Variants in LRRC4C observed in about 807,000 individuals in gnomAD.
LRRC4C encodes the protein leucine rich repeat containing 4C, also known as leucine-rich repeat-containing protein 4C.
LRRC4C carries 5 observed loss-of-function variants against 33.6 expected under a neutral mutation model. That is an observed-to-expected ratio of 0.15 (90% CI 0.08 to 0.31). LRRC4C has a LOEUF of 0.31. LRRC4C is among the 10% of genes least tolerant of loss of function. LRRC4C has a pLI of 1.00. For synonymous variants in LRRC4C, 329 were observed against 302.0 expected, an observed-to-expected ratio of 1.09 and a Z score of -0.93; for missense variants, 560 against 796.7, an observed-to-expected ratio of 0.70 and a Z score of 3.58.
At chr11:41,110,462 A>G (rs148847818) in intron 1 of LRRC4C, among the ~76,000 whole-genome samples, 24 of 152,230 alleles carry the variant, frequency 1.6e-4, no homozygotes, top group Admixed American at 3.9e-4. Flanking sequence ...TAACTTATTC[A>G]ACATCACTGA....
intron 5 of LRRC4C, among the ~76,000 whole-genome samples, chr11:40,222,799 G>C (rs1358874269): frequency 6.6e-6 from 1 of 152,158 alleles, no homozygotes; most frequent in Non-Finnish European, 1.5e-5. Flanking sequence ...GGCTTAGAGT[G>C]GGAAAGGGTC....
chr11:40,792,752 G>T (rs558206532), intron 2 of LRRC4C, among the ~76,000 whole-genome samples: 15 of 152,166 alleles, frequency 9.9e-5, no homozygotes, highest in Non-Finnish European at 1.8e-4. Flanking sequence ...GTCCAACAAT[G>T]ATAGACTGGA....
At chr11:40,657,416 T>G (rs1943180790) in intron 2 of LRRC4C, among the ~76,000 whole-genome samples, 1 of 152,228 alleles carries the variant, frequency 6.6e-6, no homozygotes, top group African/African-American at 2.4e-5. Context: ...GGAAAATATC[T>G]TGGGCCCCCA....
At chr11:40,650,497 T>G (rs1591371980) in intron 2 of LRRC4C, among the ~76,000 whole-genome samples, 1 of 152,198 alleles carries the variant, frequency 6.6e-6, no homozygotes, top group Admixed American at 6.5e-5. Context: ...TTTCAAAAAC[T>G]GAATGTTCTG....
chr11:40,920,420 C>A (rs1957123175), intron 2 of LRRC4C, among the ~76,000 whole-genome samples: 2 of 152,012 alleles, frequency 1.3e-5, no homozygotes, highest in Non-Finnish European at 2.9e-5. Context: ...ATCTATAAGC[C>A]CACAAAGCAC....
At chr11:40,804,064 T>C (rs567200704) in intron 2 of LRRC4C, among the ~76,000 whole-genome samples, 2 of 152,348 alleles carry the variant, frequency 1.3e-5, no homozygotes, top group African/African-American at 4.8e-5. Context: ...TTTGAATTAT[T>C]ATATAAATGG....
chr11:40,957,107 A>G (rs1307639935), intron 1 of LRRC4C, among the ~76,000 whole-genome samples: 3 of 151,814 alleles, frequency 2.0e-5, no homozygotes, highest in Non-Finnish European at 4.4e-5. Flanking sequence ...AATGGGACTC[A>G]ACCATGTTCT....
chr11:40,205,990 T>C (rs1034870146), intron 5 of LRRC4C, among the ~76,000 whole-genome samples: 1 of 152,214 alleles, frequency 6.6e-6, no homozygotes, highest in African/African-American at 2.4e-5. Flanking sequence ...TTTATTTGTA[T>C]CTTTCTTCTG....
chr11:40,296,421 A>C (rs971823325), intron 4 of LRRC4C, among the ~76,000 whole-genome samples: 2 of 152,234 alleles, frequency 1.3e-5, no homozygotes, highest in Non-Finnish European at 2.9e-5. Context: ...GGAAAAAATG[A>C]AGCTTAAAAT....
chr11:40,634,960 T>C (rs535911022), intron 3 of LRRC4C, among the ~76,000 whole-genome samples: 9 of 152,088 alleles, frequency 5.9e-5, no homozygotes, highest in East Asian at 1.9e-4. Flanking sequence ...TTAGATTCTC[T>C]TTATTAATAT....
intron 2 of LRRC4C, among the ~76,000 whole-genome samples, chr11:40,875,980 T>C (rs1287860225): frequency 6.6e-6 from 1 of 152,162 alleles, no homozygotes; most frequent in African/African-American, 2.4e-5. Flanking sequence ...CCAGTCTACT[T>C]TGTAATCTCG....
intron 2 of LRRC4C, among the ~76,000 whole-genome samples, chr11:40,797,433 G>A (rs1047441609): frequency 2.0e-5 from 3 of 152,142 alleles, no homozygotes; most frequent in Non-Finnish European, 4.4e-5. Flanking sequence ...AAATCATAGG[G>A]ATTTGGGTCA....
intron 1 of LRRC4C, among the ~76,000 whole-genome samples, chr11:41,206,499 A>G (rs1244116220): frequency 2.0e-5 from 3 of 152,162 alleles, no homozygotes; most frequent in Non-Finnish European, 2.9e-5. Context: ...AATCACCTTG[A>G]AGAGCTGTAA....
chr11:40,688,795 A>G (rs1945089652), intron 2 of LRRC4C, among the ~76,000 whole-genome samples: 1 of 152,144 alleles, frequency 6.6e-6, no homozygotes, highest in Non-Finnish European at 1.5e-5. Flanking sequence ...ACTTTCACAC[A>G]TAATGAACCA....
At chr11:40,173,505 C>T (rs558721571) in intron 5 of LRRC4C, among the ~76,000 whole-genome samples, 117 of 152,298 alleles carry the variant, frequency 7.7e-4, no homozygotes, top group African/African-American at 2.3e-3. Context: ...AACACAAATA[C>T]CTCCAACTAT....
chr11:40,548,420 A>T (rs1389185975), intron 3 of LRRC4C, among the ~76,000 whole-genome samples: 1 of 152,082 alleles, frequency 6.6e-6, no homozygotes, highest in African/African-American at 2.4e-5. Flanking sequence ...GATGAGGAAA[A>T]ATACAGGGAT....
intron 1 of LRRC4C, among the ~76,000 whole-genome samples, chr11:40,959,958 T>C (rs1438146049): frequency 6.6e-6 from 1 of 151,724 alleles, no homozygotes; most frequent in Non-Finnish European, 1.5e-5. Flanking sequence ...TTGTACAATG[T>C]TAGATGATAG....
intron 2 of LRRC4C, among the ~76,000 whole-genome samples, chr11:40,892,721 G>C (rs1356985174): frequency 6.6e-6 from 1 of 152,084 alleles, no homozygotes; most frequent in East Asian, 1.9e-4. Flanking sequence ...TCACTTATTA[G>C]GTACCTAGAA....
intron 3 of LRRC4C, among the ~76,000 whole-genome samples, chr11:40,384,883 G>A (rs1234563917): frequency 6.6e-6 from 1 of 151,786 alleles, no homozygotes; most frequent in Non-Finnish European, 1.5e-5. Context: ...AATAAATTCT[G>A]GAAATTATCC....
Sources: gnomAD v4.1 joint callset for allele counts (sites outside exome capture counted in the v4.1 genomes callset) on GRCh38, gnomAD v4.1.1 for gene constraint, MANE v1.5 for transcripts, NCBI Gene and HGNC (gene_info 2026-07-23, HGNC 2026-07-21) for gene names.